Variants in GRID2 observed in about 807,000 individuals in gnomAD.
GRID2 encodes glutamate receptor ionotropic, delta-2.
Under a neutral mutation model 114.8 loss-of-function variants are expected in GRID2, and 33 were observed. That is an observed-to-expected ratio of 0.29 (90% CI 0.22 to 0.38). The LOEUF is 0.38. Ranked by LOEUF, GRID2 falls within the 10% of genes least tolerant of loss-of-function variation. The pLI is 1.00. For synonymous variants in GRID2, 505 were observed against 449.9 expected (o/e 1.12, Z -1.55); for missense variants, 1,184 against 1,257.7 (o/e 0.94, Z 0.89).
At chr4:92,465,276 A>G (rs901783123) in intron 1 of GRID2, among the ~76,000 whole-genome samples, 1 of 129,520 alleles carries the variant, frequency 7.7e-6, no homozygotes, top group African/African-American at 3.1e-5. Flanking sequence ...AGAGAGTGAG[A>G]TTAAAAAAAA....
At chr4:92,977,193 G>A (rs1753932427) in intron 2 of GRID2, among the ~76,000 whole-genome samples, 1 of 152,134 alleles carries the variant, frequency 6.6e-6, no homozygotes, top group Admixed American at 6.5e-5. Context: ...AGCTAACAAG[G>A]TAATTTGTAA....
intron 2 of GRID2, among the ~76,000 whole-genome samples, chr4:92,618,045 G>C (rs1322372544): frequency 6.6e-6 from 1 of 151,468 alleles, no homozygotes; most frequent in Non-Finnish European, 1.5e-5. Context: ...TTATTTTTGT[G>C]TTGTTGCCGG....
intron 2 of GRID2, among the ~76,000 whole-genome samples, chr4:92,926,047 A>C (rs1224678072): frequency 6.6e-6 from 1 of 152,040 alleles, no homozygotes; most frequent in Non-Finnish European, 1.5e-5. Context: ...CTGAGACTGT[A>C]TGTTTTATCT....
At chr4:93,007,262 A>G (rs1721637180) in intron 2 of GRID2, among the ~76,000 whole-genome samples, 1 of 151,992 alleles carries the variant, frequency 6.6e-6, no homozygotes, top group African/African-American at 2.4e-5. Context: ...AGAAATAAGG[A>G]TCTTCAGCCA....
intron 1 of GRID2, among the ~76,000 whole-genome samples, chr4:92,333,193 C>T (rs1726985075): frequency 6.6e-6 from 1 of 152,238 alleles, no homozygotes; most frequent in Admixed American, 6.5e-5. Flanking sequence ...TGCTCATCTG[C>T]AGAGTCAGCA....
chr4:92,649,293 C>G (rs1431894140), intron 2 of GRID2, among the ~76,000 whole-genome samples: 1 of 149,466 alleles, frequency 6.7e-6, no homozygotes, highest in East Asian at 2.0e-4. Context: ...TGGTGAAATT[C>G]AAAGTTTGAA....
intron 4 of GRID2, among the ~76,000 whole-genome samples, chr4:93,162,004 G>T (rs1207267368): frequency 6.6e-6 from 1 of 151,570 alleles, no homozygotes; most frequent in African/African-American, 2.4e-5. Flanking sequence ...TCCAAAAAAT[G>T]ATCTCCCTAA....
intron 1 of GRID2, among the ~76,000 whole-genome samples, chr4:92,319,877 G>A (rs1299795851): frequency 6.6e-6 from 1 of 152,038 alleles, no homozygotes; most frequent in African/African-American, 2.4e-5. Flanking sequence ...ACCTTGGCTG[G>A]GTCATTTTTA....
At chr4:93,204,319 T>G (rs1742435466) in intron 4 of GRID2, among the ~76,000 whole-genome samples, 1 of 152,070 alleles carries the variant, frequency 6.6e-6, no homozygotes, top group African/African-American at 2.4e-5. Flanking sequence ...AAATGCACAT[T>G]AAGACATACA....
intron 10 of GRID2, among the ~76,000 whole-genome samples, chr4:93,437,931 T>G (rs890548862): frequency 2.6e-5 from 4 of 152,110 alleles, no homozygotes; most frequent in African/African-American, 9.7e-5. Context: ...TATCTACATC[T>G]ATATCTATAA....
chr4:92,963,985 A>C (rs1752979631), intron 2 of GRID2, among the ~76,000 whole-genome samples: 1 of 152,030 alleles, frequency 6.6e-6, no homozygotes, highest in Non-Finnish European at 1.5e-5. Context: ...AAGCAGTCAT[A>C]ATTTCAAAGT....
chr4:93,608,632 G>A (rs1213548762), intron 13 of GRID2, among the ~76,000 whole-genome samples: 1 of 139,624 alleles, frequency 7.2e-6, no homozygotes, highest in South Asian at 2.3e-4. Flanking sequence ...CCCTACAAAG[G>A]ACATGAACTC....
At chr4:92,529,586 G>A (rs765912988) in intron 1 of GRID2, among the ~76,000 whole-genome samples, 13 of 152,130 alleles carry the variant, frequency 8.5e-5, no homozygotes, top group Non-Finnish European at 1.6e-4. Flanking sequence ...AAATGGAACT[G>A]CAGCCCAGTA....
At chr4:93,329,104 TAAGAG>T (rs1488534392) in intron 8 of GRID2, among the ~76,000 whole-genome samples, 1 of 152,040 alleles carries the variant, frequency 6.6e-6, no homozygotes, top group Non-Finnish European at 1.5e-5. Context: ...ATTAGAGACT[TAAGAG>T]GAGAGCTAAG....
intron 2 of GRID2, among the ~76,000 whole-genome samples, chr4:93,031,674 T>C (rs1448648418): frequency 1.3e-5 from 2 of 152,224 alleles, no homozygotes; most frequent in Admixed American, 1.3e-4. Context: ...CCATGTAAGA[T>C]GATGTCCTTT....
At chr4:93,348,933 C>A (rs1227692235) in intron 8 of GRID2, among the ~76,000 whole-genome samples, 1 of 152,154 alleles carries the variant, frequency 6.6e-6, no homozygotes, top group Non-Finnish European at 1.5e-5. Flanking sequence ...ACTCAGCAGA[C>A]CCAGGCAGGG....
intron 14 of GRID2, among the ~76,000 whole-genome samples, chr4:93,684,329 A>G (rs1206496270): frequency 6.6e-6 from 1 of 152,140 alleles, no homozygotes. Context: ...TACATTATTA[A>G]TCACTTAAAA....
chr4:92,538,648 A>C (rs921407989), intron 1 of GRID2, among the ~76,000 whole-genome samples: 4 of 152,162 alleles, frequency 2.6e-5, no homozygotes, highest in Non-Finnish European at 5.9e-5. Flanking sequence ...GTTACTCTAC[A>C]TGCTCTGTGA....
At chr4:93,354,492 G>A (rs2149265293) in intron 8 of GRID2, among the ~76,000 whole-genome samples, 1 of 151,962 alleles carries the variant, frequency 6.6e-6, no homozygotes, top group South Asian at 2.1e-4. Context: ...TGGTAGAAAA[G>A]ATTGAGTGTT....
Sources: allele counts gnomAD v4.1 joint callset (sites outside exome capture counted in the v4.1 genomes callset), GRCh38; gene constraint gnomAD v4.1.1; transcripts MANE v1.5; gene names NCBI Gene and HGNC (gene_info 2026-07-23, HGNC 2026-07-21).